Variants in EFCAB7 observed in about 807,000 individuals in gnomAD.
EFCAB7 encodes the protein EF-hand calcium-binding domain-containing protein 7.
In EFCAB7, 66 loss-of-function variants were observed where a neutral mutation model predicts 77.1. The observed-to-expected ratio is 0.86, with a 90% CI of 0.70 to 1.05. EFCAB7 has a LOEUF of 1.05. EFCAB7 is among the 50% of genes least tolerant of loss of function. EFCAB7 has a pLI of 0.00. For synonymous variants in EFCAB7, 225 were observed against 243.3 expected (o/e 0.92, Z 0.70); for missense variants, 638 against 730.5 (o/e 0.87, Z 1.46).
intron 3 of EFCAB7, among the ~76,000 whole-genome samples, chr1:63,532,267 G>A (rs1428177805): frequency 6.6e-6 from 1 of 151,850 alleles, no homozygotes; most frequent in African/African-American, 2.4e-5. Flanking sequence ...CTATTTAATT[G>A]GTTCCTGTTC....
chr1:63,565,940 TG>T (rs777483906), intron 11 of EFCAB7, among the ~76,000 whole-genome samples: 15 of 152,224 alleles, frequency 9.9e-5, no homozygotes, highest in Non-Finnish European at 1.6e-4. Context: ...GAAGACAGTA[TG>T]GTGATTCCTC....
At chr1:63,573,086 C>T (rs149089468), downstream of EFCAB7, among the ~76,000 whole-genome samples, 1,870 of 152,186 alleles carry the variant, frequency 0.012, 39 homozygotes, top group African/African-American at 0.043. Flanking sequence ...TTAGCTTGGG[C>T]TCAGAGGCCT....
intron 11 of EFCAB7, among the ~76,000 whole-genome samples, chr1:63,566,986 GA>G (rs1647180125): frequency 1.3e-5 from 2 of 151,034 alleles, no homozygotes; most frequent in African/African-American, 4.9e-5. Flanking sequence ...TTTCTTAAAA[GA>G]TGACCACCAA....
intron 2 of EFCAB7, chr1:63,530,011 C>A (rs938745873): frequency 6.6e-6 from 1 of 152,102 alleles, no homozygotes; most frequent in African/African-American, 2.4e-5. Flanking sequence ...TAATTGTAAA[C>A]CCAAATTACA....
At chr1:63,528,791 CATAAAA>C (rs1231660573) in intron 2 of EFCAB7, among the ~76,000 whole-genome samples, 1 of 152,048 alleles carries the variant, frequency 6.6e-6, no homozygotes, top group African/African-American at 2.4e-5. Context: ...TATTCATTGT[CATAAAA>C]ATAATTTAGT....
Position 63,531,890 on chromosome 1 carries a change from A to G in EFCAB7, c.258A>G (p.Lys86=). 6.2e-7 allele frequency: 1 copy of G among 1,613,350 alleles called. No individual in the cohort carries two copies. The highest frequency in any genetic ancestry group is 1.1e-5 in the South Asian group (1 of 91,006). The stretch of plus-strand genomic sequence containing the variant: ...AGTATTGGACTCCTCAAACTGCCAA[A>G]CTGAATTTTGATGATTTTTGTATAA... The part of the protein sequence containing the change: ...INKYWTPQTA[K]LNFDDFCIIL... The change falls in exon 3 of 14, where the codon AAA becomes AAG. Residue 86 remains lysine (K), a synonymous_variant. Coordinates refer to ENST00000371088, the MANE Select transcript of EFCAB7 (RefSeq NM_032437.4).
chr1:63,538,499 G>A (rs547971326), intron 6 of EFCAB7, among the ~76,000 whole-genome samples: 4 of 151,810 alleles, frequency 2.6e-5, no homozygotes, highest in South Asian at 2.1e-4. Context: ...TATTGCCCAG[G>A]CTGGAGTGCA....
intron 11 of EFCAB7, among the ~76,000 whole-genome samples, chr1:63,567,454 CA>C (rs973951536): frequency 1.4e-3 from 189 of 138,826 alleles, no homozygotes; most frequent in Admixed American, 4.3e-3. Context: ...ACTCCATCTC[CA>C]AAAAAAAAAA....
Position 63,555,358 on chromosome 1 carries a change from G to A in EFCAB7, c.1057G>A (p.Val353Met), listed in dbSNP as rs750670006. 4 of 1,608,294 alleles carry A rather than the reference G, an allele frequency of 2.5e-6. No homozygotes were observed. In the South Asian group the frequency reaches 4.4e-5, roughly 18 times the overall value. ...VCFTELRNRE[V>M]FGWTGELGPG... ...TTTTATTTCATTGTTTTGAGAAAAGGTGTTTGGATGGACTGGTGAACTAGG... is the reference window on the plus strand; with the variant it reads ...TTTTATTTCATTGTTTTGAGAAAAGATGTTTGGATGGACTGGTGAACTAGG... The change falls in exon 9 of 14, where the codon GTG becomes ATG. Residue 353 changes from valine (V) to methionine (M), a missense_variant and splice_region_variant. Physicochemically the swap from Val to Met is conservative, Grantham distance 21. Transcript: ENST00000371088.
chr1:63,557,308 T>C, intron 10 of EFCAB7, 61 bp downstream of exon 10: 2 of 1,458,166 alleles, frequency 1.4e-6, no homozygotes, highest in Non-Finnish European at 1.8e-6. Context: ...CCTTTTCATC[T>C]CTAAGAAATG....
At chr1:63,560,841 T>G (rs1647090852) in intron 10 of EFCAB7, among the ~76,000 whole-genome samples, 1 of 152,164 alleles carries the variant, frequency 6.6e-6, no homozygotes, top group African/African-American at 2.4e-5. Flanking sequence ...TTTAAGCTAT[T>G]AATCAGTCAA....
In EFCAB7 at chr1:63,525,171, T is replaced by TA. The variant is rs577491471; in HGVS notation, c.-1-396dup. Reference sequence around the variant, plus strand: ...CATGTATTAACTGATTTGCTCCTCTTAAAAACCTGATGAAGACTGTCATCT... The same window carrying TA: ...CATGTATTAACTGATTTGCTCCTCTTAAAAAACCTGATGAAGACTGTCATCT... On this transcript the variant is annotated intron_variant, in intron 1 of 13. Coordinates refer to ENST00000371088, the MANE Select transcript of EFCAB7 (RefSeq NM_032437.4). 2.8e-3 allele frequency among the ~76,000 whole-genome samples: 430 copies of TA among 152,314 alleles called. 1 individual carries two copies. The highest frequency in any genetic ancestry group is 4.5e-3 in the Non-Finnish European group (304 of 68,008).
At chr1:63,578,518 T>C in the EFCAB7 span, among the ~76,000 whole-genome samples, 2 of 151,542 alleles carry the variant, frequency 1.3e-5, no homozygotes, top group African/African-American at 4.9e-5. Context: ...CTCAGCTCAC[T>C]GCAAGCTCCG....
chr1:63,544,574 G>A (rs34094765), intron 6 of EFCAB7, among the ~76,000 whole-genome samples: 20,396 of 151,690 alleles, frequency 0.13, 1,523 homozygotes, highest in Middle Eastern at 0.25. Context: ...CACCGTGCCC[G>A]GCTAATTTTT....
chr1:63,531,775 A>G, intron 2 of EFCAB7, 45 bp from the exon 3 acceptor site: 3 of 1,557,452 alleles, frequency 1.9e-6, no homozygotes, highest in Non-Finnish European at 2.6e-6. Context: ...TTAAGTACAA[A>G]TTCCAGGTGT....
At position 63,532,725 on chromosome 1, in the gene EFCAB7, T is replaced by G; in HGVS notation, c.455T>G (p.Val152Gly). The change falls in exon 4 of 14, where the codon GTA becomes GGA. Residue 152 changes from valine to glycine, a missense_variant. Transcript: ENST00000371088. The part of the protein sequence containing the change: ...EVNAIINLAD[V>G]NADGKFDYIK... ...AATGCCATAATAAATTTGGCTGATG[T>G]AAATGCTGATGGCAAATTTGACTAC... 5.0e-6 allele frequency: 8 copies of G among 1,607,094 alleles called. No homozygotes were observed. Among genetic ancestry groups the G allele is most frequent in the Non-Finnish European group, 6.8e-6 (8 of 1,177,214 alleles).
chr1:63,572,726 T>C (rs1204804370), downstream of EFCAB7: 4 of 909,886 alleles, frequency 4.4e-6, no homozygotes, highest in Middle Eastern at 9.4e-4. Flanking sequence ...AGGAAATCTT[T>C]TTCTTTTTTT....
chr1:63,563,956 G>GC (rs747708589), intron 11 of EFCAB7, among the ~76,000 whole-genome samples: 10 of 151,874 alleles, frequency 6.6e-5, no homozygotes, highest in Non-Finnish European at 1.5e-4. Flanking sequence ...GTTTAGTTTT[G>GC]CCCCCCTTTT....
intron 6 of EFCAB7, among the ~76,000 whole-genome samples, chr1:63,537,096 G>A (rs922337772): frequency 3.3e-5 from 5 of 152,090 alleles, no homozygotes; most frequent in African/African-American, 1.2e-4. Flanking sequence ...ATCCTTACAG[G>A]TACTATACGC....
Sources: allele counts gnomAD v4.1 joint callset (sites outside exome capture counted in the v4.1 genomes callset), GRCh38; gene constraint gnomAD v4.1.1; transcripts MANE v1.5; gene names NCBI Gene and HGNC (gene_info 2026-07-23, HGNC 2026-07-21).